The following BCAS3 variants were observed in gnomAD, a reference collection of about 807,000 sequenced individuals.
The protein encoded by BCAS3 is BCAS3 microtubule associated cell migration factor.
A neutral mutation model predicts 116.1 loss-of-function variants in BCAS3; 53 were observed. The observed-to-expected ratio is 0.46, with a 90% CI of 0.37 to 0.57. The LOEUF (loss-of-function observed/expected upper bound fraction) is 0.57, where lower values mean the gene tolerates loss of function less well. Among genes scored for constraint, BCAS3 ranks in the 20% least tolerant of loss-of-function variants. BCAS3 has a pLI of 0.00. For synonymous variants in BCAS3, 391 were observed against 408.2 expected (o/e 0.96, Z 0.51); for missense variants, 917 against 1,165.4 (o/e 0.79, Z 3.10).
At chr17:60,911,783 A>G (rs1181561416) in intron 12 of BCAS3, among the ~76,000 whole-genome samples, 1 of 152,242 alleles carries the variant, frequency 6.6e-6, no homozygotes, top group Non-Finnish European at 1.5e-5. Context: ...GGAGGAATTT[A>G]TAAACAAATT....
chr17:60,815,819 G>A (rs1238817175), intron 7 of BCAS3, among the ~76,000 whole-genome samples: 1 of 152,186 alleles, frequency 6.6e-6, no homozygotes, highest in Non-Finnish European at 1.5e-5. Flanking sequence ...AGTTTCACAT[G>A]TACCTTGAGA....
chr17:60,790,121 CT>C (rs1192213280), intron 6 of BCAS3, among the ~76,000 whole-genome samples: 1 of 151,934 alleles, frequency 6.6e-6, no homozygotes, highest in Non-Finnish European at 1.5e-5. Context: ...ATTTTAGCTT[CT>C]TTGATTATCC....
intron 12 of BCAS3, among the ~76,000 whole-genome samples, chr17:60,914,264 G>C (rs1304932787): frequency 6.6e-6 from 1 of 152,174 alleles, no homozygotes; most frequent in African/African-American, 2.4e-5. Flanking sequence ...ATGGTTTAAT[G>C]TTTTAGGCTA....
In BCAS3 at chr17:61,279,930, A is replaced by G. The variant is rs769731065; in HGVS notation, c.2426-88397A>G. ...GTCTCTACATCTTTCTTTTCTCTCA[A>G]TCCTGCTCCTGCTGAGTCTACATTA... On this transcript the variant is annotated intron_variant, in intron 22 of 23. Coordinates refer to ENST00000407086, the MANE Select transcript of BCAS3 (RefSeq NM_017679.5). This position sits in a 1 kb window ranked among gnomAD's most constrained non-coding sequence, Gnocchi z 4.4. Among the ~76,000 whole-genome samples the G allele has an allele frequency of 6.6e-6, 1 of 151,932 alleles. No homozygotes were observed. The highest frequency in any genetic ancestry group is 1.5e-5 in the Non-Finnish European group (1 of 67,974).
chr17:61,357,947 G>C (rs1354275027), intron 22 of BCAS3, among the ~76,000 whole-genome samples: 1 of 151,790 alleles, frequency 6.6e-6, no homozygotes, highest in Non-Finnish European at 1.5e-5. Flanking sequence ...AATTAGCTGG[G>C]CATGGTGGCA....
At chr17:61,350,717 C>T (rs1024199262) in intron 22 of BCAS3, among the ~76,000 whole-genome samples, 3 of 151,410 alleles carry the variant, frequency 2.0e-5, no homozygotes, top group Non-Finnish European at 2.9e-5. Flanking sequence ...ACTGCAGCCT[C>T]AACCTCCCAG....
chr17:60,691,040 C>G (rs2034751247), intron 4 of BCAS3, among the ~76,000 whole-genome samples: 1 of 152,120 alleles, frequency 6.6e-6, no homozygotes, highest in Non-Finnish European at 1.5e-5. Flanking sequence ...TCAGGTGATT[C>G]TCCTGTCTCA....
At position 61,078,207 on chromosome 17, in the gene BCAS3, A is replaced by G. The variant is rs528396072; in HGVS notation, c.2131-126A>G. 1,586 of 686,014 alleles carry G rather than the reference A, an allele frequency of 2.3e-3. 4 individuals carry two copies. Among genetic ancestry groups the G allele is most frequent in the Non-Finnish European group, 3.5e-3 (1,418 of 400,898 alleles). The allele number at this position is 686,014 out of a possible 1,614,324, so 42.5% of individuals were successfully genotyped here. On this transcript the variant is annotated intron_variant, in intron 20 of 23. Coordinates refer to ENST00000407086, the MANE Select transcript of BCAS3 (RefSeq NM_017679.5). ...ATCACCTTTTAATTATGGGTGTCCT[A>G]TCCCTTTGCCACTTTAACATGGGCT...
intron 22 of BCAS3, among the ~76,000 whole-genome samples, chr17:61,143,087 A>G (rs531170363): frequency 1.2e-3 from 182 of 152,318 alleles, no homozygotes; most frequent in African/African-American, 4.3e-3. Flanking sequence ...AAATGCCCAT[A>G]TAGCTACAGT....
rs896966403 is a variant in BCAS3 at position 61,358,395 on chromosome 17, A to G, written c.2426-9932A>G. On this transcript the variant is annotated intron_variant, in intron 22 of 23. Coordinates refer to ENST00000407086, the MANE Select transcript of BCAS3 (RefSeq NM_017679.5). The stretch of plus-strand genomic sequence containing the variant: ...ATTGTAGGGCTGTGTTAAAATGGCA[A>G]TGAGCGTATTTATGCATGACGGTTG... 1.6e-4 allele frequency among the ~76,000 whole-genome samples: 25 copies of G among 152,118 alleles called. 1 individual carries two copies. The highest frequency in any genetic ancestry group is 5.8e-4 in the African/African-American group (24 of 41,438).
chr17:60,740,696 C>T (rs2041465864), intron 5 of BCAS3, among the ~76,000 whole-genome samples: 2 of 151,828 alleles, frequency 1.3e-5, no homozygotes, highest in African/African-American at 4.8e-5. Flanking sequence ...TTAACATCCT[C>T]GAGTGAGACA....
chr17:60,749,210 T>G (rs1299855942), intron 6 of BCAS3, among the ~76,000 whole-genome samples: 4 of 152,242 alleles, frequency 2.6e-5, no homozygotes, highest in Non-Finnish European at 5.9e-5. Context: ...TTGTCTGTCT[T>G]TATTCTTCCT....
At chr17:61,288,985 C>T (rs1463194988) in intron 22 of BCAS3, among the ~76,000 whole-genome samples, 6 of 152,222 alleles carry the variant, frequency 3.9e-5, no homozygotes, top group African/African-American at 1.2e-4. Flanking sequence ...CCGTCCCATT[C>T]GGGAAGGGCC....
intron 20 of BCAS3, among the ~76,000 whole-genome samples, chr17:61,076,705 A>C (rs1354662415): frequency 6.6e-6 from 1 of 152,212 alleles, no homozygotes; most frequent in Non-Finnish European, 1.5e-5. Context: ...GCCTCGGTGA[A>C]ATTGAACAGG....
chr17:61,038,401 C>T (rs551243577), intron 18 of BCAS3, among the ~76,000 whole-genome samples: 4 of 151,180 alleles, frequency 2.6e-5, no homozygotes, highest in South Asian at 2.1e-4. Context: ...TACAGGCACA[C>T]GCCACCACAC....
At position 61,261,266 on chromosome 17, in the gene BCAS3, T is replaced by C. The variant is rs2144587562; in HGVS notation, c.2426-107061T>C. Among the ~76,000 whole-genome samples, 1 of 152,302 alleles carries C rather than the reference T, an allele frequency of 6.6e-6. No homozygotes were observed. Among genetic ancestry groups the C allele is most frequent in the East Asian group, 1.9e-4 (1 of 5,178 alleles). On this transcript the variant is annotated intron_variant, in intron 22 of 23. Transcript: ENST00000407086. This position sits in a 1 kb window ranked among gnomAD's most constrained non-coding sequence, Gnocchi z 4.4. ...TTAAACACTGATTCAAGAATATGTTTAGAGGAGCTGCGACCCAGGGAAATC... is the reference window on the plus strand; with the variant it reads ...TTAAACACTGATTCAAGAATATGTTCAGAGGAGCTGCGACCCAGGGAAATC...
In BCAS3 at chr17:61,084,665, GT is replaced by G. The variant is rs1204581060; in HGVS notation, c.2425+108del. 5.9e-6 allele frequency: 6 copies of G among 1,009,422 alleles called. No individual in the cohort carries two copies. Among genetic ancestry groups the G allele is most frequent in the African/African-American group, 1.6e-5 (1 of 62,612 alleles). 62.5% of individuals were successfully genotyped at this position (1,009,422 alleles called of 1,614,324 possible). A position where few individuals can be genotyped will look rare whatever the true frequency, so the allele number is the denominator to read the frequency against. ...ATGACATTTATTTGCTTTCCTCTCT[GT>G]TTTTTTGTTTTGTGGTGTGTGTGCA... On this transcript the variant is annotated intron_variant, in intron 22 of 23. Coordinates refer to ENST00000407086, the MANE Select transcript of BCAS3 (RefSeq NM_017679.5). The surrounding 1 kb of genome is among the most constrained non-coding windows in gnomAD (Gnocchi z 5.5).
intron 2 of BCAS3, among the ~76,000 whole-genome samples, chr17:60,682,642 C>T (rs1458297876): frequency 6.6e-6 from 1 of 152,054 alleles, no homozygotes; most frequent in African/African-American, 2.4e-5. Context: ...CCTGCTTCAG[C>T]CTCCCGAGCA....
At chr17:60,822,329 T>C (rs776076888) in intron 7 of BCAS3, among the ~76,000 whole-genome samples, 7 of 152,342 alleles carry the variant, frequency 4.6e-5, no homozygotes, top group Non-Finnish European at 8.8e-5. Flanking sequence ...GGCATTAATT[T>C]GGATTTTTAC....
Sources: gnomAD v4.1 joint callset for allele counts (sites outside exome capture counted in the v4.1 genomes callset) on GRCh38, gnomAD v4.1.1 for gene constraint, Gnocchi (gnomAD v3.1) non-coding constraint, MANE v1.5 for transcripts, NCBI Gene and HGNC (gene_info 2026-07-23, HGNC 2026-07-21) for gene names.